ANKDD1B: variants seen among roughly 807,000 people sequenced by gnomAD.
ANKDD1B encodes the protein ankyrin repeat and death domain-containing protein 1B.
In ANKDD1B, 57 loss-of-function variants were observed where a neutral mutation model predicts 59.7. That is an observed-to-expected ratio of 0.95 (90% CI 0.77 to 1.19). The LOEUF (loss-of-function observed/expected upper bound fraction) is 1.19, where lower values mean the gene tolerates loss of function less well. ANKDD1B is among the 50% of genes most tolerant of loss of function. The pLI is 0.00. For synonymous variants in ANKDD1B, 216 were observed against 239.5 expected, an observed-to-expected ratio of 0.90 and a Z score of 0.91; for missense variants, 602 against 641.9, an observed-to-expected ratio of 0.94 and a Z score of 0.67.
chr5:75,648,265 ATT>A (rs1440391654), intron 7 of ANKDD1B, among the ~76,000 whole-genome samples: 232 of 9,784 alleles, frequency 0.024, 3 homozygotes, highest in Admixed American at 0.12. Flanking sequence ...AAAAAAAAAA[ATT>A]AAAAAAAAAA....
At chr5:75,637,765 C>CT (rs2112982942) in intron 7 of ANKDD1B, among the ~76,000 whole-genome samples, 1 of 152,240 alleles carries the variant, frequency 6.6e-6, no homozygotes, top group African/African-American at 2.4e-5. Context: ...AAATCACTTT[C>CT]TTATTCAGTC....
At chr5:75,650,459 T>C (rs1034111741) in intron 7 of ANKDD1B, among the ~76,000 whole-genome samples, 4 of 152,190 alleles carry the variant, frequency 2.6e-5, no homozygotes, top group African/African-American at 7.2e-5. Context: ...GAAGGGAACA[T>C]AGGTCTGCGA....
At chr5:75,632,498 A>G (rs569237073) in intron 5 of ANKDD1B, among the ~76,000 whole-genome samples, 6 of 152,254 alleles carry the variant, frequency 3.9e-5, no homozygotes, top group Non-Finnish European at 5.9e-5. Flanking sequence ...GTTGGCTCTC[A>G]TAGGCCTAGC....
intron 7 of ANKDD1B, among the ~76,000 whole-genome samples, chr5:75,639,885 G>T (rs1441649764): frequency 1.3e-5 from 2 of 152,082 alleles, no homozygotes; most frequent in Non-Finnish European, 2.9e-5. Flanking sequence ...TGAGTTTCAG[G>T]AAACTGAAGT....
intron 5 of ANKDD1B, 147 bp from the exon 6 acceptor site, chr5:75,634,751 T>C: frequency 1.7e-6 from 1 of 577,498 alleles, no homozygotes; most frequent in Non-Finnish European, 3.1e-6. Flanking sequence ...CTGATCTGAT[T>C]TGGAGTCAGA....
chr5:75,659,413 AG>A, intron 10 of ANKDD1B, 32 bp downstream of exon 10: 2 of 1,448,626 alleles, frequency 1.4e-6, no homozygotes, highest in Non-Finnish European at 1.9e-6. Flanking sequence ...CATTCAGCTG[AG>A]ATGGTTGCTA....
At chr5:75,638,569 T>A (rs1157473110) in intron 7 of ANKDD1B, among the ~76,000 whole-genome samples, 4 of 152,182 alleles carry the variant, frequency 2.6e-5, no homozygotes, top group Non-Finnish European at 5.9e-5. Flanking sequence ...TTATAAAGCA[T>A]ATGCTAGAAA....
chr5:75,634,385 T>C (rs765087862), intron 5 of ANKDD1B, among the ~76,000 whole-genome samples: 20 of 152,212 alleles, frequency 1.3e-4, no homozygotes, highest in Non-Finnish European at 2.6e-4. Context: ...GTAGATGTTG[T>C]AGATAAATCT....
chr5:75,648,474 A>T (rs1262849342), intron 7 of ANKDD1B, among the ~76,000 whole-genome samples: 1 of 151,826 alleles, frequency 6.6e-6, no homozygotes, highest in Non-Finnish European at 1.5e-5. Context: ...CTTGTCCTTA[A>T]TTATTTTGCC....
chr5:75,619,443 C>T (rs763846983), intron 2 of ANKDD1B, among the ~76,000 whole-genome samples: 1 of 152,186 alleles, frequency 6.6e-6, no homozygotes, highest in Non-Finnish European at 1.5e-5. Flanking sequence ...CTATGACATG[C>T]ATATTCCCGT....
chr5:75,635,453 A>C (rs1053704857), intron 6 of ANKDD1B: 1 of 226,122 alleles, frequency 4.4e-6, no homozygotes, highest in African/African-American at 2.3e-5. Flanking sequence ...ATATTGCTAA[A>C]ATGATCTCCC....
At chr5:75,654,149 G>A (rs1774899198) in intron 8 of ANKDD1B, among the ~76,000 whole-genome samples, 1 of 152,200 alleles carries the variant, frequency 6.6e-6, no homozygotes, top group Non-Finnish European at 1.5e-5. Flanking sequence ...GCCTCCGACA[G>A]TCTCTGACTT....
intron 9 of ANKDD1B, 62 bp downstream of exon 9, chr5:75,656,189 T>C: frequency 1.3e-6 from 1 of 773,366 alleles, no homozygotes; most frequent in East Asian, 2.9e-5. Flanking sequence ...AGTGTGTGTT[T>C]ATGGGGAGTT....
intron 10 of ANKDD1B, among the ~76,000 whole-genome samples, chr5:75,660,925 A>G (rs1293957948): frequency 3.9e-5 from 6 of 152,152 alleles, no homozygotes; most frequent in Non-Finnish European, 8.8e-5. Context: ...TTTACCCAAC[A>G]GTTCAATAGC....
intron 7 of ANKDD1B, among the ~76,000 whole-genome samples, chr5:75,641,817 T>C (rs1774472613): frequency 6.6e-6 from 1 of 152,228 alleles, no homozygotes; most frequent in South Asian, 2.1e-4. Context: ...TCACTTTCCT[T>C]TTAACCACAC....
At chr5:75,669,195 A>G in intron 12 of ANKDD1B, 57 bp from the exon 13 acceptor site, 6 of 1,230,186 alleles carry the variant, frequency 4.9e-6, no homozygotes, top group Admixed American at 8.4e-5. Context: ...TGAGATCACA[A>G]TGGAAAGAGA....
chr5:75,632,427 T>A (rs1362947921), intron 5 of ANKDD1B, among the ~76,000 whole-genome samples: 1 of 152,202 alleles, frequency 6.6e-6, no homozygotes, highest in Non-Finnish European at 1.5e-5. Context: ...CAAAGAGGAC[T>A]ACTAACAGCT....
At chr5:75,653,320 C>A in intron 8 of ANKDD1B, 80 bp downstream of exon 8, 1 of 927,308 alleles carries the variant, frequency 1.1e-6, no homozygotes, top group Non-Finnish European at 1.7e-6. Flanking sequence ...CTTGCAGATA[C>A]GTGTAGGAGA....
At chr5:75,661,321 C>G (rs532841476) in intron 10 of ANKDD1B, among the ~76,000 whole-genome samples, 1 of 145,588 alleles carries the variant, frequency 6.9e-6, no homozygotes, top group South Asian at 2.2e-4. Flanking sequence ...CACTTGAAAC[C>G]GGAAGGCGGA....
Sources: allele counts gnomAD v4.1 joint callset (sites outside exome capture counted in the v4.1 genomes callset), GRCh38; gene constraint gnomAD v4.1.1; transcripts MANE v1.5; gene names NCBI Gene and HGNC (gene_info 2026-07-23, HGNC 2026-07-21).